PTPRD: variants seen among roughly 807,000 people sequenced by gnomAD.
PTPRD encodes the protein protein tyrosine phosphatase receptor type D.
A neutral mutation model predicts 214.5 loss-of-function variants in PTPRD; 34 were observed. The ratio of observed to expected loss-of-function variants is 0.16; its 90% CI spans 0.12 to 0.21. PTPRD has a LOEUF of 0.21. Among genes scored for constraint, PTPRD ranks in the 10% least tolerant of loss-of-function variants. The probability of loss-of-function intolerance (pLI) is 1.00; values close to 1 mark genes in which losing one functional copy is unlikely to be tolerated. For synonymous variants in PTPRD, 1,128 were observed against 845.7 expected (o/e 1.33, Z -5.79); for missense variants, 2,545 against 2,398.7 (o/e 1.06, Z -1.27).
intron 9 of PTPRD, among the ~76,000 whole-genome samples, chr9:9,253,937 G>T (rs1433226335): frequency 1.3e-5 from 2 of 152,026 alleles, no homozygotes; most frequent in Non-Finnish European, 2.9e-5. Flanking sequence ...TCAGCCTCTG[G>T]CAGTTGCCAG....
intron 2 of PTPRD, among the ~76,000 whole-genome samples, chr9:10,427,740 C>T (rs2098636532): frequency 6.6e-6 from 1 of 151,916 alleles, no homozygotes; most frequent in Admixed American, 6.6e-5. Flanking sequence ...CAAAATAAAA[C>T]AAAACAGAAA....
At chr9:9,405,936 T>G (rs1206689734) in intron 8 of PTPRD, among the ~76,000 whole-genome samples, 1 of 152,024 alleles carries the variant, frequency 6.6e-6, no homozygotes, top group African/African-American at 2.4e-5. Flanking sequence ...ATTTTCTGCA[T>G]GTTTACTAAT....
At chr9:10,038,322 C>G (rs1441410) in intron 3 of PTPRD, among the ~76,000 whole-genome samples, 31,183 of 152,026 alleles carry the variant, frequency 0.21, 3,766 homozygotes, top group East Asian at 0.49. Context: ...TAACCTATTA[C>G]TGATAAATCC....
Position 9,622,813 on chromosome 9 carries a change from G to T in PTPRD, c.-286-48032C>A, listed in dbSNP as rs115153079. Among the ~76,000 whole-genome samples the T allele has an allele frequency of 3.4e-3, 516 of 152,258 alleles. 4 individuals are homozygous for T. Among genetic ancestry groups the T allele is most frequent in the African/African-American group, 0.012 (491 of 41,548 alleles). ...ACACTGCTCAGGAATCTCACAACAGGGGTCTTTATTACATCTAGCAGCTCT... is the reference window on the plus strand; with the variant it reads ...ACACTGCTCAGGAATCTCACAACAGTGGTCTTTATTACATCTAGCAGCTCT... On this transcript the variant is annotated intron_variant, in intron 7 of 45. Transcript: ENST00000381196.
chr9:9,473,854 A>G (rs946172254), intron 8 of PTPRD, among the ~76,000 whole-genome samples: 1 of 134,498 alleles, frequency 7.4e-6, no homozygotes, highest in East Asian at 2.1e-4. Flanking sequence ...TAAATTTCTT[A>G]TATATTCTGG....
intron 14 of PTPRD, among the ~76,000 whole-genome samples, chr9:8,596,868 C>T (rs917669281): frequency 2.0e-5 from 3 of 152,018 alleles, no homozygotes; most frequent in Admixed American, 6.6e-5. Flanking sequence ...TTTTAAGGTG[C>T]TATGGTTGGA....
At position 8,317,680 on chromosome 9, in the gene PTPRD, G is replaced by T; in HGVS notation, c.*194C>A. ...CAGGATTCTCTTCATTATTTTTCAG[G>T]TTAGATTATTAAACTGTGAATTCTT... is the stretch of plus-strand genomic sequence containing the variant. On this transcript the variant is annotated 3_prime_UTR_variant, in exon 46 of 46. Coordinates refer to ENST00000381196, the MANE Select transcript of PTPRD (RefSeq NM_002839.4). The T allele has an allele frequency of 2.2e-6, 1 of 459,744 alleles. No individual in the cohort carries two copies. 28.5% of individuals were successfully genotyped at this position (459,744 alleles called of 1,614,324 possible).
intron 8 of PTPRD, among the ~76,000 whole-genome samples, chr9:9,560,781 G>A (rs1347325173): frequency 6.6e-6 from 1 of 151,718 alleles, no homozygotes; most frequent in East Asian, 1.9e-4. Context: ...ACAGCTTAAA[G>A]TAGCTTTCTC....
At chr9:9,074,597 T>A (rs12344548) in intron 10 of PTPRD, among the ~76,000 whole-genome samples, 3 of 152,046 alleles carry the variant, frequency 2.0e-5, no homozygotes, top group Admixed American at 2.0e-4. Context: ...TTTTATTATA[T>A]ATATAAAAGA....
intron 31 of PTPRD, among the ~76,000 whole-genome samples, chr9:8,470,636 C>T (rs2096634725): frequency 6.6e-6 from 1 of 152,064 alleles, no homozygotes; most frequent in African/African-American, 2.4e-5. Flanking sequence ...GCAACTGTTG[C>T]ACTAATGAAG....
chr9:8,858,726 C>T (rs2098016289), intron 11 of PTPRD, among the ~76,000 whole-genome samples: 1 of 151,716 alleles, frequency 6.6e-6, no homozygotes, highest in African/African-American at 2.4e-5. Flanking sequence ...GAATCTGGAC[C>T]ACTGACCCAC....
intron 8 of PTPRD, among the ~76,000 whole-genome samples, chr9:9,410,835 C>T (rs2075154968): frequency 6.6e-6 from 1 of 152,138 alleles, no homozygotes; most frequent in African/African-American, 2.4e-5. Flanking sequence ...CCTGCATACA[C>T]ATGTAAACAA....
chr9:9,513,480 A>G (rs2096758510), intron 8 of PTPRD, among the ~76,000 whole-genome samples: 1 of 151,908 alleles, frequency 6.6e-6, no homozygotes, highest in South Asian at 2.1e-4. Context: ...TATATAATGT[A>G]GTTTTTATAT....
chr9:9,070,844 G>A (rs1281563514), intron 10 of PTPRD, among the ~76,000 whole-genome samples: 2 of 152,180 alleles, frequency 1.3e-5, no homozygotes, highest in African/African-American at 2.4e-5. Context: ...ATAAGTGGCA[G>A]TCAAGGCTAG....
chr9:9,522,589 A>T (rs1340765840), intron 8 of PTPRD, among the ~76,000 whole-genome samples: 1 of 152,150 alleles, frequency 6.6e-6, no homozygotes, highest in African/African-American at 2.4e-5. Context: ...CTATCCCAGT[A>T]CCTGAGAAAC....
At chr9:8,690,837 C>G (rs1377655024) in intron 12 of PTPRD, among the ~76,000 whole-genome samples, 1 of 152,060 alleles carries the variant, frequency 6.6e-6, no homozygotes, top group East Asian at 1.9e-4. Flanking sequence ...TCAAAATATG[C>G]CAAAGGACTT....
chr9:9,491,387 A>G (rs2095888641), intron 8 of PTPRD, among the ~76,000 whole-genome samples: 1 of 152,018 alleles, frequency 6.6e-6, no homozygotes, highest in Non-Finnish European at 1.5e-5. Flanking sequence ...GGGTAGAATT[A>G]CTAGACAGAA....
At chr9:8,355,065 G>C (rs951220507) in intron 39 of PTPRD, among the ~76,000 whole-genome samples, 1 of 152,096 alleles carries the variant, frequency 6.6e-6, no homozygotes, top group Non-Finnish European at 1.5e-5. Context: ...GGTGGAAGTG[G>C]AGCCTGGTGG....
intron 3 of PTPRD, among the ~76,000 whole-genome samples, chr9:10,328,789 T>C (rs902612809): frequency 6.6e-6 from 1 of 151,860 alleles, no homozygotes; most frequent in Admixed American, 6.6e-5. Flanking sequence ...ATTGGAACTT[T>C]AGAATCAGAA....
Sources: gnomAD v4.1 joint callset for allele counts (sites outside exome capture counted in the v4.1 genomes callset) on GRCh38, gnomAD v4.1.1 for gene constraint, MANE v1.5 for transcripts, NCBI Gene and HGNC (gene_info 2026-07-23, HGNC 2026-07-21) for gene names.